KIFC3: variants seen among roughly 807,000 people sequenced by gnomAD.
KIFC3 encodes the protein kinesin family member C3.
Under a neutral mutation model 101.8 loss-of-function variants are expected in KIFC3, and 60 were observed. The observed-to-expected ratio is 0.59, with a 90% CI of 0.48 to 0.73. The LOEUF is 0.73. Among genes scored for constraint, KIFC3 ranks in the 30% least tolerant of loss-of-function variants. The pLI is 0.00. For synonymous variants in KIFC3, 476 were observed against 482.7 expected (o/e 0.99, Z 0.18); for missense variants, 966 against 1,137.1 (o/e 0.85, Z 2.16).
chr16:57,859,043 T>C (rs1447407389), intron 1 of KIFC3, among the ~76,000 whole-genome samples: 3 of 152,220 alleles, frequency 2.0e-5, no homozygotes, highest in African/African-American at 7.2e-5. Context: ...TGGAAAAATA[T>C]TCTGTGACGT....
chr16:57,765,475 T>C lies in KIFC3; in HGVS notation c.1496A>G (p.Gln499Arg), dbSNP rs782499565. The change falls in exon 11 of 20, where the codon CAG becomes CGG. Residue 499 changes from glutamine to arginine, a missense_variant. By Grantham distance (43) the Gln-to-Arg change is conservative. Coordinates refer to ENST00000445690, the MANE Select transcript of KIFC3 (RefSeq NM_001130100.2). The part of the protein sequence containing the change: ...SFELDKVFSP[Q>R]ASQQDVFQEV... ...CACACTCACGTCCTGCTGCGAGGCCTGTGGGGAGAAGACCTTGTCCAGCTC... is the reference window on the plus strand; with the variant it reads ...CACACTCACGTCCTGCTGCGAGGCCCGTGGGGAGAAGACCTTGTCCAGCTC... 1.9e-6 allele frequency: 3 copies of C among 1,583,964 alleles called. No individual in the cohort carries two copies. The highest frequency in any genetic ancestry group is 2.6e-6 in the Non-Finnish European group (3 of 1,163,694).
rs782587575 is a variant in KIFC3 at position 57,771,228 on chromosome 16, G to T, written c.735C>A (p.Ala245=). 13 of 1,612,952 alleles carry T rather than the reference G, an allele frequency of 8.1e-6. No individual in the cohort carries two copies. The highest frequency in any genetic ancestry group is 4.0e-5 in the African/African-American group (3 of 74,948). The part of the protein sequence containing the change: ...RRLRDSHETI[A]SLRAQSPPVK... ...CAGGTGGGGACTGGGCCCGCAGGCT[G>T]GCAATGGTCTCGTGGCTGTCACGCA... is the stretch of plus-strand genomic sequence containing the variant. Residue 245 remains alanine, a synonymous_variant, in exon 6 of 20, where the codon GCC becomes GCA. Transcript: ENST00000445690.
upstream of KIFC3, chr16:57,807,949 A>AAAAAAAAC (rs2054978084): frequency 6.9e-6 from 1 of 144,320 alleles, no homozygotes; most frequent in Non-Finnish European, 1.5e-5. Context: ...AAAAAAAAAA[A>AAAAAAAAC]AAAAAAAAAA....
intron 13 of KIFC3, 57 bp downstream of exon 13, chr16:57,762,083 C>A: frequency 6.6e-7 from 1 of 1,519,032 alleles, no homozygotes; most frequent in Non-Finnish European, 8.8e-7. Context: ...CCAGCACCAC[C>A]CCGGAGGACC....
intron 6 of KIFC3, 36 bp from the exon 7 acceptor site, chr16:57,770,736 C>T (rs373838727): frequency 4.8e-5 from 67 of 1,395,738 alleles, no homozygotes; most frequent in African/African-American, 2.3e-4. Context: ...GTGGAGCCAG[C>T]GGGCACCGTA....
chr16:57,811,122 T>C (rs1175015408), intron 1 of KIFC3, among the ~76,000 whole-genome samples: 1 of 152,188 alleles, frequency 6.6e-6, no homozygotes, highest in Non-Finnish European at 1.5e-5. Context: ...CCCACCTCAG[T>C]ACCTGGGGTT....
chr16:57,860,936 T>G (rs905486269), intron 1 of KIFC3, among the ~76,000 whole-genome samples: 2 of 152,002 alleles, frequency 1.3e-5, no homozygotes, highest in Non-Finnish European at 2.9e-5. Flanking sequence ...GGTCTTCAAC[T>G]CCTGAGCTGA....
In KIFC3 at chr16:57,759,174, G is replaced by A. The variant is rs141124624; in HGVS notation, c.2477-21C>T. 2.7e-3 allele frequency: 4,147 copies of A among 1,550,866 alleles called. 26 individuals carry two copies. Among genetic ancestry groups the A allele is most frequent in the Non-Finnish European group, 1.9e-3 (2,181 of 1,146,948 alleles). The stretch of plus-strand genomic sequence containing the variant: ...TCAGGCTGAAATCAAAGTGACAGGC[G>A]TCTCACTGGTGGGCTTGCCTTGGGC... On this transcript the variant is annotated intron_variant, in intron 18 of 19. Coordinates refer to ENST00000445690, the MANE Select transcript of KIFC3 (RefSeq NM_001130100.2).
At chr16:57,783,587 C>T (rs938020719) in intron 3 of KIFC3, among the ~76,000 whole-genome samples, 1 of 151,354 alleles carries the variant, frequency 6.6e-6, no homozygotes, top group Non-Finnish European at 1.5e-5. Context: ...ATTCTCCTGC[C>T]TCAGCCTCCC....
chr16:57,790,078 C>CTTTTTT (rs782291808), intron 3 of KIFC3, among the ~76,000 whole-genome samples: 1 of 94,088 alleles, frequency 1.1e-5, no homozygotes, highest in African/African-American at 4.2e-5. Flanking sequence ...TTCTTTCTTT[C>CTTTTTT]TTTTTTTTTT....
At chr16:57,763,792 C>T (rs1462869343) in intron 12 of KIFC3, among the ~76,000 whole-genome samples, 4 of 152,136 alleles carry the variant, frequency 2.6e-5, no homozygotes, top group South Asian at 2.1e-4. Context: ...CCCAAGGCAG[C>T]GGTAAAGCAG....
In KIFC3 at chr16:57,769,543, C is replaced by G; in HGVS notation, c.1218+52G>C. ...GACGCCCTGAGTGGATGTCGTGCCT[C>G]TCCCAGTGCACCCCCTTAGCCTGGA... On this transcript the variant is annotated intron_variant, in intron 9 of 19. Transcript: ENST00000445690. The surrounding 1 kb of genome is among the most constrained non-coding windows in gnomAD (Gnocchi z 4.3). 1 of 1,564,760 alleles carries G rather than the reference C, an allele frequency of 6.4e-7. No individual in the cohort carries two copies. The highest frequency in any genetic ancestry group is 8.6e-7 in the Non-Finnish European group (1 of 1,156,326).
rs995290235 is a variant in KIFC3 at position 57,769,777 on chromosome 16, G to A, written c.1087+31C>T. On this transcript the variant is annotated intron_variant, in intron 8 of 19. Coordinates refer to ENST00000445690, the MANE Select transcript of KIFC3 (RefSeq NM_001130100.2). This position sits in a 1 kb window ranked among gnomAD's most constrained non-coding sequence, Gnocchi z 4.3. ...GGGAGGGGATGAGGGGCCGCGGCGT[G>A]GGGCAGACAGGGCCCAGCTGGTCAG... 6.2e-7 allele frequency: 1 copy of A among 1,612,746 alleles called. No homozygotes were observed. Among genetic ancestry groups the A allele is most frequent in the Non-Finnish European group, 8.5e-7 (1 of 1,179,758 alleles).
chr16:57,822,574 G>C (rs1450335066), intron 1 of KIFC3, among the ~76,000 whole-genome samples: 4 of 152,118 alleles, frequency 2.6e-5, no homozygotes, highest in Non-Finnish European at 4.4e-5. Context: ...GCGGGCACCT[G>C]TAATCCCAGC....
intron 2 of KIFC3, among the ~76,000 whole-genome samples, chr16:57,796,681 T>C (rs1456118405): frequency 2.0e-5 from 3 of 152,196 alleles, no homozygotes; most frequent in African/African-American, 4.8e-5. Flanking sequence ...ATCTTCATAA[T>C]ACCCAATTTT....
At chr16:57,780,876 T>C (rs1352187661) in intron 3 of KIFC3, among the ~76,000 whole-genome samples, 2 of 151,846 alleles carry the variant, frequency 1.3e-5, no homozygotes, top group Non-Finnish European at 2.9e-5. Context: ...GGTTTCACCA[T>C]GTTGGCCAGG....
intron 3 of KIFC3, among the ~76,000 whole-genome samples, chr16:57,778,044 C>T (rs2052321580): frequency 6.6e-6 from 1 of 152,164 alleles, no homozygotes; most frequent in African/African-American, 2.4e-5. Flanking sequence ...TTTGGGAGGC[C>T]AAGGTAGGAG....
chr16:57,862,028 CAT>C (rs1959310831), intron 1 of KIFC3, among the ~76,000 whole-genome samples: 1 of 152,022 alleles, frequency 6.6e-6, no homozygotes, highest in East Asian at 1.9e-4. Flanking sequence ...ACTGGCTAGT[CAT>C]ATGTATAGAT....
At chr16:57,774,857 T>C in intron 3 of KIFC3, 5 of 1,366,264 alleles carry the variant, frequency 3.7e-6, no homozygotes, top group Non-Finnish European at 4.7e-6. Flanking sequence ...GAATACGTAA[T>C]TCCTACTCTC....
Sources: allele counts gnomAD v4.1 joint callset (sites outside exome capture counted in the v4.1 genomes callset), GRCh38; gene constraint gnomAD v4.1.1; non-coding constraint Gnocchi (gnomAD v3.1); transcripts MANE v1.5; gene names NCBI Gene and HGNC (gene_info 2026-07-23, HGNC 2026-07-21).